The following KCTD20 variants were observed in gnomAD, a reference collection of about 807,000 sequenced individuals.
KCTD20 encodes BTB/POZ domain-containing protein KCTD20.
KCTD20 carries 30 observed loss-of-function variants against 39.6 expected under a neutral mutation model. That is an observed-to-expected ratio of 0.76 (90% CI 0.57 to 1.03). KCTD20 has a LOEUF of 1.03. Ranked by LOEUF, KCTD20 falls within the 50% of genes least tolerant of loss-of-function variation. The pLI, the probability that KCTD20 is intolerant of heterozygous loss-of-function variation, is 0.00. For synonymous variants in KCTD20, 162 were observed against 180.6 expected (o/e 0.90, Z 0.83); for missense variants, 422 against 522.0 (o/e 0.81, Z 1.87).
intron 1 of KCTD20, among the ~76,000 whole-genome samples, chr6:36,446,846 C>A (rs954687908): frequency 3.3e-5 from 5 of 152,204 alleles, no homozygotes; most frequent in African/African-American, 9.6e-5. Flanking sequence ...CTTATATATT[C>A]CTGAAAGTAG....
chr6:36,480,694 G>A (rs867450603), intron 5 of KCTD20, among the ~76,000 whole-genome samples: 22 of 152,036 alleles, frequency 1.4e-4, no homozygotes, highest in South Asian at 6.2e-4. Flanking sequence ...CTGGGATTAC[G>A]GGCACGTGCC....
At chr6:36,482,242 C>T (rs746961163) in intron 6 of KCTD20, among the ~76,000 whole-genome samples, 3 of 152,112 alleles carry the variant, frequency 2.0e-5, no homozygotes, top group Non-Finnish European at 4.4e-5. Context: ...TGTTCGGTGC[C>T]ATGTGTTAAC....
intron 6 of KCTD20, among the ~76,000 whole-genome samples, chr6:36,483,595 G>A (rs184787049): frequency 6.6e-6 from 1 of 152,028 alleles, no homozygotes. Flanking sequence ...GCTCACTGCA[G>A]CCTCAAACTC....
chr6:36,465,377 GTTT>G (rs202238713), intron 1 of KCTD20, among the ~76,000 whole-genome samples: 1 of 143,116 alleles, frequency 7.0e-6, no homozygotes. Flanking sequence ...ATTCCAATTA[GTTT>G]TTTTTTGTTT....
At position 36,446,024 on chromosome 6, in the gene KCTD20, G is replaced by GTTTTTTTTTT. The variant is rs553882182; in HGVS notation, c.-47+2918_-47+2927dup. Reference sequence around the variant, plus strand: ...AAGCCCCAGAAATGTTATGAACTCAGTTTTTTTTTTTTTTCTTTTGAGACA... The same window carrying GTTTTTTTTTT: ...AAGCCCCAGAAATGTTATGAACTCAGTTTTTTTTTTTTTTTTTTTTTTTTCTTTTGAGACA... On this transcript the variant is annotated intron_variant, in intron 1 of 7. Transcript: ENST00000373731. Among the ~76,000 whole-genome samples, 17 of 126,538 alleles carry GTTTTTTTTTT rather than the reference G, an allele frequency of 1.3e-4. 5 individuals carry two copies. The highest frequency in any genetic ancestry group is 1.9e-4 in the Non-Finnish European group (12 of 62,810). 83.0% of individuals were successfully genotyped at this position (126,538 alleles called of 152,430 possible).
rs559687288 is a variant in KCTD20 at position 36,448,015 on chromosome 6, G to GTGTATGTATATATATATA, written c.-47+4905_-47+4906insGTATGTATATATATATAT. 2.5e-3 allele frequency among the ~76,000 whole-genome samples: 317 copies of GTGTATGTATATATATATA among 128,912 alleles called. 7 individuals are homozygous for GTGTATGTATATATATATA. The highest frequency in any genetic ancestry group is 1.0e-2 in the African/African-American group (290 of 29,052). The allele number at this position is 128,912 out of a possible 152,430, so 84.6% of individuals were successfully genotyped here. On this transcript the variant is annotated intron_variant, in intron 1 of 7. Coordinates refer to ENST00000373731, the MANE Select transcript of KCTD20 (RefSeq NM_173562.5). ...CCAAAATATATGTGTATGTGTGTGT[G>GTGTATGTATATATATATA]TATATATATATATATATATATATAT...
chr6:36,450,037 G>A (rs557392331), intron 1 of KCTD20, among the ~76,000 whole-genome samples: 204 of 152,034 alleles, frequency 1.3e-3, no homozygotes, highest in African/African-American at 4.3e-3. Flanking sequence ...GGTTGCAGGC[G>A]CCTGTAGTCC....
chr6:36,484,098 C>A (rs1022032254), intron 6 of KCTD20, among the ~76,000 whole-genome samples: 1 of 151,882 alleles, frequency 6.6e-6, no homozygotes, highest in Non-Finnish European at 1.5e-5. Context: ...CACCACTATG[C>A]CTAATTTTTC....
rs1230545258 is a variant in KCTD20 at position 36,470,094 on chromosome 6, A to G, written c.-4A>G. On this transcript the variant is annotated 5_prime_UTR_variant, in exon 2 of 8. Transcript: ENST00000373731. ...ACGGACAGTTCAGGACTCAGAATCT[A>G]AGGATGAATGTTCACCGTGGCAGTG... 6.2e-7 allele frequency: 1 copy of G among 1,611,296 alleles called. No individual in the cohort carries two copies. The highest frequency in any genetic ancestry group is 8.5e-7 in the Non-Finnish European group (1 of 1,178,120).
At chr6:36,466,513 C>A (rs190765485) in intron 1 of KCTD20, among the ~76,000 whole-genome samples, 112 of 151,850 alleles carry the variant, frequency 7.4e-4, no homozygotes, top group Non-Finnish European at 1.3e-4. Context: ...TCCCAAGTAG[C>A]TGGGACTACA....
intron 1 of KCTD20, among the ~76,000 whole-genome samples, chr6:36,450,323 A>C (rs546503997): frequency 5.2e-4 from 79 of 151,876 alleles, no homozygotes; most frequent in Non-Finnish European, 1.0e-3. Flanking sequence ...CCCTGTCTCT[A>C]CTAAAAATAC....
In KCTD20 at chr6:36,470,234, A is replaced by G. The variant is rs535647358; in HGVS notation, c.137A>G (p.Tyr46Cys). ...LASSGPHNLT[Y>C]PLGPRNEDLS... ...TCATCTGGTCCTCATAATCTTACTT[A>G]TCCTCTAGGTCCCAGGAATGAAGGT... Residue 46 changes from tyrosine (Y) to cysteine (C), a missense_variant, in exon 2 of 8, where the codon TAT (tyrosine) becomes TGT (cysteine). Transcript: ENST00000373731. 6.2e-7 allele frequency: 1 copy of G among 1,613,004 alleles called. No individual in the cohort carries two copies. The highest frequency in any genetic ancestry group is 1.3e-5 in the African/African-American group (1 of 74,992).
At chr6:36,468,319 C>A (rs891630242) in intron 1 of KCTD20, among the ~76,000 whole-genome samples, 1 of 152,146 alleles carries the variant, frequency 6.6e-6, no homozygotes. Context: ...GATAACAAAA[C>A]GATTTTCTTA....
intron 1 of KCTD20, among the ~76,000 whole-genome samples, chr6:36,457,881 G>A (rs1259723777): frequency 1.3e-5 from 2 of 152,154 alleles, no homozygotes; most frequent in Non-Finnish European, 2.9e-5. Flanking sequence ...ATTATTTTTG[G>A]ATATTTTTAG....
chr6:36,483,781 A>C (rs1055317304), intron 6 of KCTD20, among the ~76,000 whole-genome samples: 15 of 151,836 alleles, frequency 9.9e-5, no homozygotes, highest in Non-Finnish European at 1.6e-4. Flanking sequence ...TGCCCCCGAA[A>C]GTGTTGTGAT....
intron 1 of KCTD20, among the ~76,000 whole-genome samples, chr6:36,463,861 T>C (rs1476411493): frequency 6.6e-6 from 1 of 152,052 alleles, no homozygotes; most frequent in Non-Finnish European, 1.5e-5. Context: ...TGGTTATCTG[T>C]AGGGAATAAA....
At chr6:36,474,697 G>A in intron 2 of KCTD20, 92 bp from the exon 3 acceptor site, 1 of 1,225,104 alleles carries the variant, frequency 8.2e-7, no homozygotes, top group Non-Finnish European at 1.1e-6. Flanking sequence ...GGGGTTTTTT[G>A]TTTGTTTACT....
At chr6:36,485,840 C>T (rs1322068899) in intron 7 of KCTD20, among the ~76,000 whole-genome samples, 1 of 151,904 alleles carries the variant, frequency 6.6e-6, no homozygotes, top group Non-Finnish European at 1.5e-5. Context: ...CTCTTGTTGC[C>T]TCATTTCTGC....
intron 1 of KCTD20, among the ~76,000 whole-genome samples, chr6:36,447,545 G>C (rs1775083919): frequency 6.6e-6 from 1 of 151,856 alleles, no homozygotes; most frequent in South Asian, 2.1e-4. Context: ...CATAAGCATT[G>C]CTTGAATCTG....
Sources: gnomAD v4.1 joint callset for allele counts (sites outside exome capture counted in the v4.1 genomes callset) on GRCh38, gnomAD v4.1.1 for gene constraint, MANE v1.5 for transcripts, NCBI Gene and HGNC (gene_info 2026-07-23, HGNC 2026-07-21) for gene names.